CAST: variants seen among roughly 807,000 people sequenced by gnomAD.
The protein encoded by CAST is MIR583 host.
In CAST, 76 loss-of-function variants were observed where a neutral mutation model predicts 119.6. The observed-to-expected ratio is 0.64, with a 90% CI of 0.53 to 0.77. CAST has a LOEUF of 0.77. Ranked by LOEUF, CAST falls within the 30% of genes least tolerant of loss-of-function variation. The probability of loss-of-function intolerance (pLI) is 0.00; values close to 1 mark genes in which losing one functional copy is unlikely to be tolerated. For missense variants in CAST, 953 were observed against 946.5 expected, an observed-to-expected ratio of 1.01 and a Z score of -0.09; for synonymous variants, 319 against 331.6, an observed-to-expected ratio of 0.96 and a Z score of 0.41.
At chr5:96,208,806 G>C in the CAST span, among the ~76,000 whole-genome samples, 13 of 151,972 alleles carry the variant, frequency 8.6e-5, no homozygotes, top group African/African-American at 3.1e-4. Context: ...TGCTCTTTTG[G>C]GGTACAGAGT....
chr5:96,300,036 T>C, the CAST span, among the ~76,000 whole-genome samples: 1 of 152,162 alleles, frequency 6.6e-6, no homozygotes, highest in Non-Finnish European at 1.5e-5. Context: ...GGCTTGCAAA[T>C]ATTTTCTCTC....
chr5:96,147,816 G>A, the CAST span, among the ~76,000 whole-genome samples: 22 of 152,316 alleles, frequency 1.4e-4, no homozygotes, highest in African/African-American at 5.3e-4. Flanking sequence ...TAGATAGCCT[G>A]TGCAGATCAG....
At chr5:96,502,211 A>C in the CAST span, among the ~76,000 whole-genome samples, 245 of 152,294 alleles carry the variant, frequency 1.6e-3, 8 homozygotes, top group East Asian at 0.038. Flanking sequence ...CATCAAATAA[A>C]AATAACACAT....
the CAST span, among the ~76,000 whole-genome samples, chr5:96,103,394 C>T: frequency 3.5e-5 from 5 of 143,448 alleles, 1 homozygote; most frequent in East Asian, 1.1e-3. Flanking sequence ...GTTCCCCTTC[C>T]TGTGTCCATG....
chr5:96,382,383 G>T, the CAST span, among the ~76,000 whole-genome samples: 9 of 152,166 alleles, frequency 5.9e-5, no homozygotes, highest in African/African-American at 2.2e-4. Context: ...ACTGAATGAA[G>T]AATAAGTGAA....
At chr5:96,400,863 G>A in the CAST span, among the ~76,000 whole-genome samples, 1,096 of 139,896 alleles carry the variant, frequency 7.8e-3, 7 homozygotes, top group Middle Eastern at 0.018. Flanking sequence ...CGAGGCGGGC[G>A]GATCACAAGG....
intron 1 of CAST, among the ~76,000 whole-genome samples, chr5:96,656,366 C>A (rs1299983817): frequency 6.6e-6 from 1 of 152,154 alleles, no homozygotes; most frequent in South Asian, 2.1e-4. Context: ...CTATAGCGTA[C>A]GTCCCAGAAC....
At chr5:96,636,211 A>G (rs915572680) in intron 1 of CAST, among the ~76,000 whole-genome samples, 1 of 152,194 alleles carries the variant, frequency 6.6e-6, no homozygotes, top group Non-Finnish European at 1.5e-5. Context: ...ATCAAATGCT[A>G]GCTGTGGCTT....
the CAST span, among the ~76,000 whole-genome samples, chr5:96,393,959 C>T: frequency 6.6e-6 from 1 of 152,186 alleles, no homozygotes; most frequent in Non-Finnish European, 1.5e-5. Flanking sequence ...AATATTCCAA[C>T]ACTGACAAGG....
chr5:96,549,535 A>T (rs1746085488), intron 1 of CAST, among the ~76,000 whole-genome samples: 1 of 152,156 alleles, frequency 6.6e-6, no homozygotes, highest in Non-Finnish European at 1.5e-5. Flanking sequence ...TCTCATTGGG[A>T]CTGGTTGTAC....
the CAST span, among the ~76,000 whole-genome samples, chr5:95,973,684 T>A: frequency 6.6e-6 from 1 of 152,230 alleles, no homozygotes; most frequent in African/African-American, 2.4e-5. Context: ...TACATTGATC[T>A]ACGTGTCTCT....
the CAST span, among the ~76,000 whole-genome samples, chr5:96,157,746 A>G: frequency 2.0e-5 from 3 of 152,152 alleles, no homozygotes; most frequent in Admixed American, 2.0e-4. Flanking sequence ...TCTTTGTTTG[A>G]TTTTTCAAAA....
chr5:96,687,895 A>G (rs1200651997), intron 2 of CAST, among the ~76,000 whole-genome samples: 5 of 152,188 alleles, frequency 3.3e-5, no homozygotes, highest in Non-Finnish European at 7.3e-5. Context: ...ATCTGATACA[A>G]TATACTTATT....
At chr5:96,266,993 CAG>C in the CAST span, among the ~76,000 whole-genome samples, 4 of 152,106 alleles carry the variant, frequency 2.6e-5, no homozygotes, top group African/African-American at 9.7e-5. Flanking sequence ...AAAAATCAAA[CAG>C]AGATATCAGA....
At chr5:96,164,538 A>C in the CAST span, among the ~76,000 whole-genome samples, 71 of 152,364 alleles carry the variant, frequency 4.7e-4, no homozygotes, top group African/African-American at 1.7e-3. Flanking sequence ...GATGAGGAAG[A>C]CAGTTGACTG....
chr5:96,684,019 G>C (rs1751756624), intron 2 of CAST, among the ~76,000 whole-genome samples: 1 of 152,206 alleles, frequency 6.6e-6, no homozygotes, highest in African/African-American at 2.4e-5. Context: ...CTATTGATCT[G>C]TGGTTTCTAT....
At chr5:96,120,957 G>A in the CAST span, among the ~76,000 whole-genome samples, 386 of 151,820 alleles carry the variant, frequency 2.5e-3, 1 homozygote, top group Non-Finnish European at 3.8e-3. Context: ...ATATTCACTC[G>A]TGTTTCAATA....
chr5:96,498,460 C>T, the CAST span, among the ~76,000 whole-genome samples: 2 of 152,164 alleles, frequency 1.3e-5, no homozygotes, highest in Middle Eastern at 3.2e-3. Context: ...GGCAGTATGG[C>T]CATTTCCTTT....
the CAST span, among the ~76,000 whole-genome samples, chr5:96,073,519 T>C: frequency 6.6e-6 from 1 of 152,168 alleles, no homozygotes; most frequent in Non-Finnish European, 1.5e-5. Flanking sequence ...CCCCCACCTT[T>C]TTGGCACCAA....
Sources: allele counts gnomAD v4.1 joint callset (sites outside exome capture counted in the v4.1 genomes callset), GRCh38; gene constraint gnomAD v4.1.1; transcripts MANE v1.5; gene names NCBI Gene and HGNC (gene_info 2026-07-23, HGNC 2026-07-21).